Variants in ARFGEF2 observed in about 807,000 individuals in gnomAD.
ARFGEF2 encodes the protein brefeldin A-inhibited guanine nucleotide-exchange protein 2.
A neutral mutation model predicts 219.9 loss-of-function variants in ARFGEF2; 74 were observed. The ratio of observed to expected loss-of-function variants is 0.34; its 90% CI spans 0.28 to 0.41. The LOEUF (loss-of-function observed/expected upper bound fraction) is 0.41, where lower values mean the gene tolerates loss of function less well. Among genes scored for constraint, ARFGEF2 ranks in the 10% least tolerant of loss-of-function variants. The pLI is 1.00. For missense variants in ARFGEF2, 1,743 were observed against 2,218.3 expected (o/e 0.79, Z 4.30); for synonymous variants, 733 against 799.2 (o/e 0.92, Z 1.40).
intron 3 of ARFGEF2, among the ~76,000 whole-genome samples, chr20:48,948,224 T>C: frequency 6.6e-6 from 1 of 152,158 alleles, no homozygotes. Flanking sequence ...TTTCCTCTCT[T>C]TTTTTTTCAA....
At chr20:48,984,690 T>C (rs1239004120) in intron 14 of ARFGEF2, 39 bp from the exon 15 acceptor site, 4 of 1,613,788 alleles carry the variant, frequency 2.5e-6, no homozygotes, top group African/African-American at 1.3e-5. Flanking sequence ...CTCCAGATTT[T>C]GAAATAAGCA....
Position 48,963,890 on chromosome 20 carries a change from C to T in ARFGEF2, c.899C>T (p.Ala300Val), listed in dbSNP as rs1273885456. 3.1e-6 allele frequency: 5 copies of T among 1,613,830 alleles called. No individual in the cohort carries two copies. In the South Asian group the frequency reaches 5.5e-5, roughly 18 times the overall value. The change falls in exon 7 of 39, where the codon GCC (alanine) becomes GTC (valine). Residue 300 changes from alanine (A) to valine (V), a missense_variant. Around this residue, in one of 5 missense-constraint regions of ARFGEF2, gnomAD observed 394 missense variants for 426.6 expected, o/e 0.92. Coordinates refer to ENST00000371917, the MANE Select transcript of ARFGEF2 (RefSeq NM_006420.3). ...ATCTTGGAAGATGTAGTCACATCTG[C>T]CATTAAAGGTAAGAACCAAGGACAA... ...KDILEDVVTS[A>V]IKEAAEKHGL...
At chr20:48,964,012 T>G in intron 7 of ARFGEF2, 114 bp downstream of exon 7, 1 of 930,278 alleles carries the variant, frequency 1.1e-6, no homozygotes, top group Non-Finnish European at 1.7e-6. Flanking sequence ...CTGGTGGAGC[T>G]CATGGAAACT....
At chr20:49,022,717 T>A (rs991178468) in intron 34 of ARFGEF2, among the ~76,000 whole-genome samples, 18 of 152,240 alleles carry the variant, frequency 1.2e-4, no homozygotes, top group African/African-American at 4.3e-4. Flanking sequence ...ATCATCAATA[T>A]TTAATATATA....
chr20:48,974,047 A>G (rs1018101728), intron 12 of ARFGEF2, among the ~76,000 whole-genome samples: 1 of 151,774 alleles, frequency 6.6e-6, no homozygotes, highest in African/African-American at 2.4e-5. Context: ...CACTTACAGC[A>G]TAATTCAAGG....
chr20:49,025,130 T>C (rs954569819), intron 35 of ARFGEF2, among the ~76,000 whole-genome samples, 183 bp from the exon 36 acceptor site: 1 of 152,168 alleles, frequency 6.6e-6, no homozygotes, highest in Admixed American at 6.5e-5. Context: ...AACGGCTCAG[T>C]GTGTTCCTTC....
chr20:49,012,036 G>A lies in ARFGEF2; in HGVS notation c.3870G>A (p.Ala1290=), dbSNP rs141973402. The change falls in exon 28 of 39, where the codon GCG becomes GCA. Residue 1290 remains alanine, a synonymous_variant. Coordinates refer to ENST00000371917, the MANE Select transcript of ARFGEF2 (RefSeq NM_006420.3). ...NAAFPDTSME[A]IRLIRFCGKY... is the part of the protein sequence containing the mutation. The stretch of plus-strand genomic sequence containing the variant: ...CTTTCCCTGACACGAGCATGGAAGC[G>A]ATTCGGCTCATCCGCTTCTGTGGCA... The A allele has an allele frequency of 2.3e-5, 37 of 1,614,106 alleles. No individual in the cohort carries two copies. Among genetic ancestry groups the A allele is most frequent in the South Asian group, 2.0e-4 (18 of 91,090 alleles).
intron 5 of ARFGEF2, 37 bp downstream of exon 5, chr20:48,952,921 C>A: frequency 6.2e-7 from 1 of 1,605,450 alleles, no homozygotes; most frequent in Non-Finnish European, 8.5e-7. Context: ...GGCAAGACAT[C>A]ATTGCTCTCT....
chr20:48,979,417 G>T (rs2091282239), intron 14 of ARFGEF2, among the ~76,000 whole-genome samples: 1 of 152,194 alleles, frequency 6.6e-6, no homozygotes, highest in African/African-American at 2.4e-5. Context: ...GTTCATCAGG[G>T]ATATTCGTCT....
In ARFGEF2 at chr20:48,994,115, G is replaced by A. The variant is rs982088598; in HGVS notation, c.2974-336G>A. On this transcript the variant is annotated intron_variant, in intron 21 of 38. Transcript: ENST00000371917. The stretch of plus-strand genomic sequence containing the variant: ...GACAACATTCCAGGCATAAGGAACA[G>A]TGAGTGCCAAGGCCCTGAGGTGGGA... 2.0e-4 allele frequency among the ~76,000 whole-genome samples: 30 copies of A among 152,348 alleles called. 1 individual carries two copies. Among genetic ancestry groups the A allele is most frequent in the Admixed American group, 1.9e-3 (29 of 15,302 alleles).
chr20:48,962,040 C>T (rs966802791), intron 6 of ARFGEF2, among the ~76,000 whole-genome samples: 9 of 143,830 alleles, frequency 6.3e-5, no homozygotes, highest in East Asian at 2.1e-4. Flanking sequence ...ATTAGCTGGG[C>T]GTGGTGGCTC....
chr20:49,023,134 C>A lies in ARFGEF2; in HGVS notation c.4708C>A (p.Pro1570Thr). ...GACCATTGACAACATTGTGTTCTAC[C>A]CTGCGACGAGCAAAAAGGAGGATGC... ...IQTIDNIVFY[P>T]ATSKKEDAEH... The change falls in exon 35 of 39, where the codon CCT becomes ACT. Residue 1570 changes from proline to threonine, a missense_variant. Around this residue, in one of 5 missense-constraint regions of ARFGEF2, gnomAD observed 578 missense variants for 664.0 expected, o/e 0.87. Coordinates refer to ENST00000371917, the MANE Select transcript of ARFGEF2 (RefSeq NM_006420.3). 6.2e-7 allele frequency: 1 copy of A among 1,614,100 alleles called. No individual in the cohort carries two copies. The highest frequency in any genetic ancestry group is 8.5e-7 in the Non-Finnish European group (1 of 1,180,018).
intron 36 of ARFGEF2, among the ~76,000 whole-genome samples, 196 bp from the exon 37 acceptor site, chr20:49,028,334 T>G (rs1279582225): frequency 6.6e-6 from 1 of 152,070 alleles, no homozygotes; most frequent in African/African-American, 2.4e-5. Context: ...GGCAGGAGGA[T>G]CATTGAGCCC....
At chr20:48,989,156 T>C (rs982177041) in intron 18 of ARFGEF2, 129 bp from the exon 19 acceptor site, 16 of 1,065,178 alleles carry the variant, frequency 1.5e-5, no homozygotes, top group Non-Finnish European at 2.3e-5. Context: ...ATAATAATAT[T>C]TGTAATGGAC....
chr20:48,994,314 C>A, intron 21 of ARFGEF2, 137 bp from the exon 22 acceptor site: 1 of 1,014,244 alleles, frequency 9.9e-7, no homozygotes, highest in Non-Finnish European at 1.5e-6. Flanking sequence ...TTATTGAGAG[C>A]TTACTAAATT....
chr20:48,952,382 G>A (rs1333173168), intron 4 of ARFGEF2, among the ~76,000 whole-genome samples: 5 of 151,880 alleles, frequency 3.3e-5, no homozygotes, highest in East Asian at 1.9e-4. Context: ...TCTTGAACTC[G>A]TGACCTCAAG....
In ARFGEF2 at chr20:49,025,984, A is replaced by G. The variant is rs1190538216; in HGVS notation, c.4924+503A>G. 8.1e-5 allele frequency among the ~76,000 whole-genome samples: 12 copies of G among 148,164 alleles called. 1 individual carries two copies. Among genetic ancestry groups the G allele is most frequent in the South Asian group, 4.2e-4 (2 of 4,744 alleles). ...GTGACAGAGCAAGACTCCATCTGGAAAAAAAAAAAAAAAAGACAAATTGAA... is the reference window on the plus strand; with the variant it reads ...GTGACAGAGCAAGACTCCATCTGGAGAAAAAAAAAAAAAAGACAAATTGAA... On this transcript the variant is annotated intron_variant, in intron 36 of 38. Transcript: ENST00000371917.
chr20:48,935,716 C>T (rs1365705675), intron 1 of ARFGEF2, among the ~76,000 whole-genome samples: 4 of 145,376 alleles, frequency 2.8e-5, no homozygotes, highest in Admixed American at 1.4e-4. Flanking sequence ...GCTAGCCGGG[C>T]GGGGGGCTGA....
intron 34 of ARFGEF2, 119 bp from the exon 35 acceptor site, chr20:49,022,932 T>C (rs1364906714): frequency 1.5e-6 from 2 of 1,364,886 alleles, no homozygotes; most frequent in Non-Finnish European, 2.1e-6. Flanking sequence ...CTGGAGAACG[T>C]AGTGAGACCC....
Sources: gnomAD v4.1 joint callset for allele counts (sites outside exome capture counted in the v4.1 genomes callset) on GRCh38, gnomAD v4.1.1 for gene constraint, gnomAD v4.1.1 regional missense constraint, MANE v1.5 for transcripts, NCBI Gene and HGNC (gene_info 2026-07-23, HGNC 2026-07-21) for gene names.